Variants in L3MBTL4 observed in about 807,000 individuals in gnomAD.
L3MBTL4 encodes the protein lethal(3)malignant brain tumor-like protein 4.
In L3MBTL4, 70 loss-of-function variants were observed where a neutral mutation model predicts 84.5. The ratio of observed to expected loss-of-function variants is 0.83; its 90% confidence interval spans 0.68 to 1.01. L3MBTL4 has a LOEUF of 1.01. Ranked by LOEUF, L3MBTL4 falls within the 50% of genes least tolerant of loss-of-function variation. The probability of loss-of-function intolerance (pLI) is 0.00; values close to 1 mark genes in which losing one functional copy is unlikely to be tolerated. For missense variants in L3MBTL4, 715 were observed against 754.8 expected (o/e 0.95, Z 0.62); for synonymous variants, 274 against 259.8 (o/e 1.05, Z -0.52).
intron 14 of L3MBTL4, among the ~76,000 whole-genome samples, chr18:6,097,193 T>C (rs1182822862): frequency 6.6e-6 from 1 of 152,162 alleles, no homozygotes; most frequent in Non-Finnish European, 1.5e-5. Context: ...AGAGAGGATA[T>C]ACGCTAAATA....
chr18:6,185,855 C>T lies in L3MBTL4; in HGVS notation c.982-13913G>A, dbSNP rs1474396405. 1.3e-4 allele frequency among the ~76,000 whole-genome samples: 20 copies of T among 152,100 alleles called. 1 individual carries two copies. The highest frequency in any genetic ancestry group is 1.3e-3 in the Admixed American group (20 of 15,274). ...TGCCAAATAGACATGTGAGAAATGA[C>T]TATGCCAAGTTCAGCAAGGCAGCCA... On this transcript the variant is annotated intron_variant, in intron 12 of 18. Transcript: ENST00000317931.
chr18:5,987,274 G>A (rs1030165288), intron 16 of L3MBTL4, among the ~76,000 whole-genome samples: 31 of 152,256 alleles, frequency 2.0e-4, no homozygotes, highest in Non-Finnish European at 4.1e-4. Context: ...AGGAAAAAGA[G>A]AGAATGGAGG....
At chr18:6,247,653 T>C (rs1476859521) in intron 5 of L3MBTL4, among the ~76,000 whole-genome samples, 1 of 148,626 alleles carries the variant, frequency 6.7e-6, no homozygotes, top group Non-Finnish European at 1.5e-5. Flanking sequence ...TAATTTTTTT[T>C]TTTTTTTTTT....
chr18:6,014,253 C>G (rs544992055), intron 16 of L3MBTL4, among the ~76,000 whole-genome samples: 1 of 152,210 alleles, frequency 6.6e-6, no homozygotes, highest in Non-Finnish European at 1.5e-5. Context: ...TCTACCGTCT[C>G]TTAAAATTTC....
intron 5 of L3MBTL4, chr18:6,256,744 G>C (rs186183866): frequency 6.6e-6 from 1 of 152,192 alleles, no homozygotes; most frequent in Non-Finnish European, 1.5e-5. Context: ...GACCCACTAA[G>C]GATTCTGCTC....
intron 15 of L3MBTL4, 74 bp downstream of exon 15, chr18:6,093,281 A>T: frequency 8.9e-7 from 1 of 1,124,240 alleles, no homozygotes; most frequent in Non-Finnish European, 1.2e-6. Flanking sequence ...AGAAACTATT[A>T]CTATTAACAA....
At chr18:6,399,435 C>CA (rs541226573) in intron 1 of L3MBTL4, among the ~76,000 whole-genome samples, 48 of 146,548 alleles carry the variant, frequency 3.3e-4, no homozygotes, top group African/African-American at 1.0e-3. Flanking sequence ...GACTCCATCA[C>CA]AAAAAAAAGA....
At chr18:6,011,009 CT>C (rs1346070243) in intron 16 of L3MBTL4, among the ~76,000 whole-genome samples, 1 of 152,160 alleles carries the variant, frequency 6.6e-6, no homozygotes, top group East Asian at 1.9e-4. Flanking sequence ...TGTTGGTCTC[CT>C]TATTCCAAAG....
At chr18:6,410,937 G>A (rs1310688854) in intron 1 of L3MBTL4, among the ~76,000 whole-genome samples, 1 of 152,134 alleles carries the variant, frequency 6.6e-6, no homozygotes, top group Non-Finnish European at 1.5e-5. Flanking sequence ...CTCCATTACG[G>A]CGACATCATC....
chr18:5,990,764 CATGTGGGTGTGTGT>C (rs1178646241), intron 16 of L3MBTL4, among the ~76,000 whole-genome samples: 1 of 120,854 alleles, frequency 8.3e-6, no homozygotes, highest in Admixed American at 7.6e-5. Context: ...TAGTAGGGTT[CATGTGGGTGTGTGT>C]GTGTGTGTGT....
chr18:6,336,232 T>C (rs1423397066), intron 1 of L3MBTL4, among the ~76,000 whole-genome samples: 2 of 148,140 alleles, frequency 1.4e-5, no homozygotes, highest in African/African-American at 2.6e-5. Flanking sequence ...AACTAGAAAG[T>C]ATAAGATTAC....
chr18:6,163,741 C>T (rs1363794881), intron 13 of L3MBTL4, among the ~76,000 whole-genome samples: 2 of 152,186 alleles, frequency 1.3e-5, no homozygotes, highest in South Asian at 2.1e-4. Context: ...CAGTCTACAG[C>T]TCCCAGCATG....
At chr18:6,093,593 A>G (rs2058532396) in intron 14 of L3MBTL4, 65 bp from the exon 15 acceptor site, 2 of 1,363,554 alleles carry the variant, frequency 1.5e-6, no homozygotes, top group Admixed American at 5.0e-5. Flanking sequence ...ATCCATTGTC[A>G]TTAGAGCAGA....
At chr18:6,241,081 T>C (rs1031708788) in intron 8 of L3MBTL4, among the ~76,000 whole-genome samples, 7 of 152,244 alleles carry the variant, frequency 4.6e-5, no homozygotes, top group Non-Finnish European at 1.0e-4. Flanking sequence ...AGGGAAAACA[T>C]TTTTAAAAGA....
intron 16 of L3MBTL4, among the ~76,000 whole-genome samples, chr18:6,028,683 C>A (rs1196852991): frequency 6.6e-6 from 1 of 152,156 alleles, no homozygotes; most frequent in Non-Finnish European, 1.5e-5. Flanking sequence ...GAATGTTTTT[C>A]CATTTGTTTG....
intron 1 of L3MBTL4, among the ~76,000 whole-genome samples, chr18:6,365,386 A>G (rs2053891228): frequency 6.6e-6 from 1 of 152,214 alleles, no homozygotes; most frequent in Non-Finnish European, 1.5e-5. Flanking sequence ...TATGAACTCA[A>G]GAAGAAATAA....
At chr18:6,256,860 G>A (rs1410534960) in intron 5 of L3MBTL4, 1 of 152,400 alleles carries the variant, frequency 6.6e-6, no homozygotes, top group Non-Finnish European at 1.5e-5. Context: ...ATAGAGGACT[G>A]TGGTCGAACC....
intron 13 of L3MBTL4, among the ~76,000 whole-genome samples, chr18:6,162,589 T>C (rs975544816): frequency 2.0e-4 from 30 of 152,198 alleles, no homozygotes; most frequent in African/African-American, 7.0e-4. Context: ...GTTTGAATTA[T>C]ATGAGTAAAT....
intron 16 of L3MBTL4, among the ~76,000 whole-genome samples, chr18:6,045,906 T>A (rs74649788): frequency 0.079 from 12,021 of 152,000 alleles, 1,192 homozygotes; most frequent in East Asian, 0.55. Context: ...TGAATGCAAA[T>A]AGTCTAAAAC....
Sources: allele counts gnomAD v4.1 joint callset (sites outside exome capture counted in the v4.1 genomes callset), GRCh38; gene constraint gnomAD v4.1.1; transcripts MANE v1.5; gene names NCBI Gene and HGNC (gene_info 2026-07-23, HGNC 2026-07-21).